Variants in THSD7A observed in about 807,000 individuals in gnomAD.
THSD7A encodes thrombospondin type 1 domain containing 7A.
Under a neutral mutation model 231.3 loss-of-function variants are expected in THSD7A, and 96 were observed. That is an observed-to-expected ratio of 0.41 (90% CI 0.35 to 0.49). The LOEUF (loss-of-function observed/expected upper bound fraction) is 0.49. Among genes scored for constraint, THSD7A ranks in the 20% least tolerant of loss-of-function variants. The pLI is 0.05. For synonymous variants in THSD7A, 940 were observed against 743.3 expected, an observed-to-expected ratio of 1.26 and a Z score of -4.30; for missense variants, 2,290 against 2,070.2, an observed-to-expected ratio of 1.11 and a Z score of -2.06.
At chr7:11,756,571 G>C (rs1782683904) in intron 1 of THSD7A, among the ~76,000 whole-genome samples, 1 of 151,810 alleles carries the variant, frequency 6.6e-6, no homozygotes. Context: ...AAATCACGGG[G>C]ACAGAAAGCA....
chr7:11,809,814 A>T (rs1409311427), intron 1 of THSD7A, among the ~76,000 whole-genome samples: 1 of 152,178 alleles, frequency 6.6e-6, no homozygotes, highest in Non-Finnish European at 1.5e-5. Flanking sequence ...GTTGAGTCTT[A>T]TATGTACCAA....
chr7:11,668,435 AAAAG>A (rs964099709), intron 1 of THSD7A, among the ~76,000 whole-genome samples: 2 of 149,984 alleles, frequency 1.3e-5, no homozygotes, highest in East Asian at 2.0e-4. Flanking sequence ...AGAAAGAAAG[AAAAG>A]AAAGAAAGAG....
chr7:11,740,096 T>C (rs924045136), intron 1 of THSD7A, among the ~76,000 whole-genome samples: 52 of 151,934 alleles, frequency 3.4e-4, no homozygotes, highest in African/African-American at 1.2e-3. Context: ...GACACATAAC[T>C]CTCCTACAAC....
chr7:11,467,728 A>T (rs974781766), intron 9 of THSD7A, among the ~76,000 whole-genome samples: 1 of 149,004 alleles, frequency 6.7e-6, no homozygotes, highest in African/African-American at 2.4e-5. Flanking sequence ...CTTTTCAAGT[A>T]TGGTTTTTTA....
intron 7 of THSD7A, among the ~76,000 whole-genome samples, chr7:11,478,769 CGATA>C (rs746218596): frequency 6.6e-6 from 1 of 151,944 alleles, no homozygotes; most frequent in Admixed American, 6.6e-5. Context: ...TTGGGGCCAT[CGATA>C]GATAGATACA....
intron 16 of THSD7A, among the ~76,000 whole-genome samples, chr7:11,421,106 G>A (rs146791864): frequency 1.5e-3 from 221 of 152,230 alleles, no homozygotes; most frequent in African/African-American, 5.0e-3. Context: ...TAAGGCTTTG[G>A]GAGACTGTTG....
At chr7:11,528,682 G>A (rs1379383682) in intron 6 of THSD7A, among the ~76,000 whole-genome samples, 1 of 152,054 alleles carries the variant, frequency 6.6e-6, no homozygotes, top group Non-Finnish European at 1.5e-5. Flanking sequence ...TAGCAAAACT[G>A]GAAGTCAAGA....
intron 1 of THSD7A, among the ~76,000 whole-genome samples, chr7:11,721,512 C>T (rs1400523949): frequency 6.9e-6 from 1 of 145,890 alleles, no homozygotes; most frequent in Non-Finnish European, 1.5e-5. Flanking sequence ...CCTATACAGC[C>T]TACGGAACTG....
chr7:11,786,204 T>C (rs1356235669), intron 1 of THSD7A, among the ~76,000 whole-genome samples: 1 of 151,586 alleles, frequency 6.6e-6, no homozygotes. Context: ...GGACCTACTA[T>C]ACGAAAACCA....
intron 1 of THSD7A, among the ~76,000 whole-genome samples, chr7:11,737,869 A>T (rs911471396): frequency 2.0e-5 from 3 of 152,072 alleles, no homozygotes; most frequent in Non-Finnish European, 4.4e-5. Context: ...GGCAGCCAGT[A>T]TGATCAGTGA....
intron 2 of THSD7A, among the ~76,000 whole-genome samples, chr7:11,616,631 T>C (rs1781111751): frequency 6.6e-6 from 1 of 152,194 alleles, no homozygotes; most frequent in South Asian, 2.1e-4. Flanking sequence ...AGGAAGTAGT[T>C]CCCTTTCTTC....
At chr7:11,669,444 G>T (rs958819014) in intron 1 of THSD7A, among the ~76,000 whole-genome samples, 1 of 151,928 alleles carries the variant, frequency 6.6e-6, no homozygotes, top group African/African-American at 2.4e-5. Flanking sequence ...ACTGATGGGT[G>T]TAAGAGCTGT....
intron 1 of THSD7A, among the ~76,000 whole-genome samples, chr7:11,743,738 A>T (rs539412219): frequency 3.0e-4 from 46 of 151,994 alleles, no homozygotes; most frequent in African/African-American, 1.0e-3. Context: ...ATTCTATGCT[A>T]TGGTGATAAA....
intron 2 of THSD7A, among the ~76,000 whole-genome samples, chr7:11,604,848 G>T (rs1780682143): frequency 6.6e-6 from 1 of 152,034 alleles, no homozygotes; most frequent in South Asian, 2.1e-4. Flanking sequence ...AGAAGTAAAG[G>T]CTGGAATTTA....
In THSD7A at chr7:11,484,874, A is replaced by ATTTTTTTTTTTTTTTT. The variant is rs56353626; in HGVS notation, c.1823-2908_1823-2893dup. Among the ~76,000 whole-genome samples, 198 of 53,818 alleles carry ATTTTTTTTTTTTTTTT rather than the reference A, an allele frequency of 3.7e-3. 41 individuals are homozygous for ATTTTTTTTTTTTTTTT. The highest frequency in any genetic ancestry group is 4.6e-3 in the Admixed American group (12 of 2,590). The allele number at this position is 53,818 out of a possible 152,430, so 35.3% of individuals were successfully genotyped here. On this transcript the variant is annotated intron_variant, in intron 6 of 27. Coordinates refer to ENST00000423059, the MANE Select transcript of THSD7A (RefSeq NM_015204.3). ...CTCAACCCACTGAATCACAACCTTAATTTTTTTTTTTTTTTTTTTTTTTTT... is the reference window on the plus strand; with the variant it reads ...CTCAACCCACTGAATCACAACCTTAATTTTTTTTTTTTTTTTTTTTTTTTTTTTTTTTTTTTTTTTT...
chr7:11,460,560 T>C, intron 11 of THSD7A, 102 bp downstream of exon 11: 1 of 827,742 alleles, frequency 1.2e-6, no homozygotes, highest in Non-Finnish European at 1.9e-6. Context: ...TTATATCTGC[T>C]TTGCTCTGTT....
chr7:11,668,904 T>A (rs1477483593), intron 1 of THSD7A, among the ~76,000 whole-genome samples: 1 of 151,946 alleles, frequency 6.6e-6, no homozygotes, highest in East Asian at 1.9e-4. Flanking sequence ...CACACTCTAC[T>A]GAATTCTGTA....
At position 11,814,610 on chromosome 7, in the gene THSD7A, T is replaced by G. The variant is rs2128185221; in HGVS notation, c.190+17147A>C. Among the ~76,000 whole-genome samples, 1 of 152,286 alleles carries G rather than the reference T, an allele frequency of 6.6e-6. No individual in the cohort carries two copies. The highest frequency in any genetic ancestry group is 1.5e-5 in the Non-Finnish European group (1 of 68,030). On this transcript the variant is annotated intron_variant, in intron 1 of 27. Coordinates refer to ENST00000423059, the MANE Select transcript of THSD7A (RefSeq NM_015204.3). This position sits in a 1 kb window ranked among gnomAD's most constrained non-coding sequence, Gnocchi z 5.1. ...CTGCTTCATAGTATTTATTCTCTTC[T>G]TGTGGAACTTGCACAGCTGAAGCAG... is the stretch of plus-strand genomic sequence containing the variant.
intron 4 of THSD7A, among the ~76,000 whole-genome samples, chr7:11,569,713 T>C (rs1031072967): frequency 6.6e-6 from 1 of 152,232 alleles, no homozygotes; most frequent in Non-Finnish European, 1.5e-5. Flanking sequence ...AAGGGATACC[T>C]GCATCCCCAT....
Sources: gnomAD v4.1 joint callset for allele counts (sites outside exome capture counted in the v4.1 genomes callset) on GRCh38, gnomAD v4.1.1 for gene constraint, Gnocchi (gnomAD v3.1) non-coding constraint, MANE v1.5 for transcripts, NCBI Gene and HGNC (gene_info 2026-07-23, HGNC 2026-07-21) for gene names.